The following ARMCX4 variants were observed in gnomAD, a reference collection of about 807,000 sequenced individuals.
ARMCX4 encodes armadillo repeat-containing X-linked protein 4.
A neutral mutation model predicts 34.7 loss-of-function variants in ARMCX4; 3 were observed. That is an observed-to-expected ratio of 0.09 (90% CI 0.04 to 0.22). The LOEUF (loss-of-function observed/expected upper bound fraction) is 0.22. Among genes scored for constraint, ARMCX4 ranks in the 10% least tolerant of loss-of-function variants. The probability of loss-of-function intolerance (pLI) is 1.00; values close to 1 mark genes in which losing one functional copy is unlikely to be tolerated. For missense variants in ARMCX4, 1,448 were observed against 1,720.8 expected (o/e 0.84, Z 2.81); for synonymous variants, 513 against 632.8 (o/e 0.81, Z 2.84).
At chrX:101,425,585 G>A (rs1433280313) in intron 2 of ARMCX4, among the ~76,000 whole-genome samples, 2 of 109,656 alleles carry the variant, frequency 1.8e-5, no homozygotes, top group East Asian at 5.8e-4. Context: ...AGTAGAAACG[G>A]GGTTTCACCA....
At chrX:101,522,292 G>A (rs1276656548) in intron 11 of ARMCX4, among the ~76,000 whole-genome samples, 1 of 110,974 alleles carries the variant, frequency 9.0e-6, no homozygotes, top group Non-Finnish European at 1.9e-5. Context: ...TAATTTTTCT[G>A]GTATTAGTAA....
intron 2 of ARMCX4, among the ~76,000 whole-genome samples, chrX:101,436,258 G>T (rs1488475787): frequency 1.8e-5 from 2 of 110,900 alleles, no homozygotes; most frequent in Non-Finnish European, 3.8e-5. Context: ...TCAGGATATT[G>T]ATTCTTCCTA....
At chrX:101,429,365 C>G (rs1001769388) in intron 2 of ARMCX4, among the ~76,000 whole-genome samples, 1 of 81,239 alleles carries the variant, frequency 1.2e-5, no homozygotes, top group African/African-American at 5.0e-5. Context: ...GGTGGAGTTT[C>G]GCTCTTGTCG....
Position 101,495,754 on chromosome X carries a change from T to G in ARMCX4, c.*292T>G, listed in dbSNP as rs1934162918. On this transcript the variant is annotated 3_prime_UTR_variant, in exon 6 of 6. Coordinates refer to ENST00000423738, the MANE Select transcript of ARMCX4 (RefSeq NM_001256155.3). ...TTGTGTGGACTTATGTTTATACATT[T>G]AAGACTATTTTTATGTCATCAATAA... 1 of 204,988 alleles carries G rather than the reference T, an allele frequency of 4.9e-6. No homozygotes were observed. Among genetic ancestry groups the G allele is most frequent in the African/African-American group, 2.9e-5 (1 of 34,102 alleles). The allele number at this position is 204,988 out of a possible 1,213,427, so 16.9% of individuals were successfully genotyped here. A position where few individuals can be genotyped will look rare whatever the true frequency, so the allele number is the denominator to read the frequency against.
rs1556011519 is a variant in ARMCX4, at chrX:101,495,171, A to G, written c.6582A>G (p.Pro2194=). ...LGMLLNFSKN[P]SMTKDLLIAN... is the part of the protein sequence containing the mutation. ...TGCTTTTGAATTTCTCTAAAAATCC[A>G]TCTATGACAAAAGACTTGCTCATTG... is the stretch of plus-strand genomic sequence containing the variant. Residue 2194 remains proline, a synonymous_variant, in exon 6 of 6, where the codon CCA becomes CCG. Transcript: ENST00000423738. 1.7e-6 allele frequency: 2 copies of G among 1,154,980 alleles called. No homozygotes were observed. Among genetic ancestry groups the G allele is most frequent in the Non-Finnish European group, 2.3e-6 (2 of 871,693 alleles).
At chrX:101,454,398 C>T (rs2147592875) in intron 4 of ARMCX4, among the ~76,000 whole-genome samples, 1 of 108,430 alleles carries the variant, frequency 9.2e-6, no homozygotes, top group East Asian at 2.9e-4. Context: ...GCCTCAGCCT[C>T]CCGAGTAGCT....
intron 4 of ARMCX4, among the ~76,000 whole-genome samples, chrX:101,476,462 C>G (rs1174947724): frequency 2.7e-5 from 3 of 110,648 alleles, no homozygotes; most frequent in African/African-American, 9.8e-5. Context: ...TCAATGATGC[C>G]ATAGAAGCTG....
chrX:101,501,777 C>T (rs1357647086), intron 7 of ARMCX4, among the ~76,000 whole-genome samples: 1 of 112,216 alleles, frequency 8.9e-6, no homozygotes, highest in African/African-American at 3.2e-5. Flanking sequence ...ACTGTCATGG[C>T]ACTGGTTGGA....
Position 101,513,613 on chromosome X carries a change from A to C in ARMCX4, c.*1780+2558A>C, listed in dbSNP as rs890027293. Among the ~76,000 whole-genome samples the C allele has an allele frequency of 1.1e-4, 12 of 111,923 alleles. No individual in the cohort carries two copies. In the Admixed American group the frequency reaches 1.1e-3, roughly 11 times the overall value. ...AACAAACATAATGAAATGAGGAAAA[A>C]ATACACATGACAATTACAGTCCTCA... On this transcript the variant is annotated intron_variant and NMD_transcript_variant, in intron 11 of 12. Coordinates refer to the ARMCX4 transcript ENST00000354842.
At chrX:101,520,624 G>A (rs1459671825) in intron 11 of ARMCX4, among the ~76,000 whole-genome samples, 3 of 111,303 alleles carry the variant, frequency 2.7e-5, no homozygotes, top group East Asian at 2.8e-4. Context: ...CTTCTTGGTC[G>A]TGATGTATAA....
At chrX:101,500,428 G>T (rs1934271677), downstream of ARMCX4, among the ~76,000 whole-genome samples, 1 of 111,560 alleles carries the variant, frequency 9.0e-6, no homozygotes, top group Admixed American at 9.5e-5. Context: ...GAAAACATAT[G>T]GCATCTGTGG....
At chrX:101,478,905 A>G (rs1933313199) in intron 4 of ARMCX4, among the ~76,000 whole-genome samples, 2 of 111,449 alleles carry the variant, frequency 1.8e-5, no homozygotes, top group South Asian at 3.7e-4. Context: ...AGATAATTAC[A>G]TTGACGGGAA....
intron 2 of ARMCX4, among the ~76,000 whole-genome samples, chrX:101,432,496 A>C (rs1800274945): frequency 9.1e-6 from 1 of 110,056 alleles, no homozygotes; most frequent in African/African-American, 3.3e-5. Flanking sequence ...CCCCGTCTCT[A>C]CTGGAAATAC....
intron 4 of ARMCX4, among the ~76,000 whole-genome samples, chrX:101,468,528 G>A (rs1416215293): frequency 2.7e-5 from 3 of 110,339 alleles, no homozygotes; most frequent in African/African-American, 6.6e-5. Context: ...AGTCTCAAAC[G>A]ACCCACCCGC....
chrX:101,508,112 A>G (rs896570040), intron 8 of ARMCX4, among the ~76,000 whole-genome samples: 5 of 112,526 alleles, frequency 4.4e-5, no homozygotes, highest in Non-Finnish European at 9.4e-5. Flanking sequence ...CATATAGCCC[A>G]GGTAGGTAGT....
chrX:101,466,669 A>G (rs1452777684), intron 4 of ARMCX4, among the ~76,000 whole-genome samples: 3 of 112,236 alleles, frequency 2.7e-5, no homozygotes, highest in African/African-American at 9.7e-5. Context: ...AGCAAAAGTT[A>G]TAGGACAGAA....
intron 4 of ARMCX4, among the ~76,000 whole-genome samples, chrX:101,455,173 T>C (rs1349112406): frequency 4.5e-5 from 5 of 111,883 alleles, no homozygotes; most frequent in Admixed American, 1.9e-4. Context: ...GGTAGAAGGA[T>C]GGCAGGTGCA....
At chrX:101,433,808 G>A (rs1930482394) in intron 2 of ARMCX4, among the ~76,000 whole-genome samples, 1 of 112,000 alleles carries the variant, frequency 8.9e-6, no homozygotes, top group Admixed American at 9.5e-5. Context: ...AAACCTGCTT[G>A]CTTTATGCAC....
chrX:101,532,346 G>A (rs1238844582), intron 12 of ARMCX4: 2 of 111,380 alleles, frequency 1.8e-5, no homozygotes, highest in Non-Finnish European at 3.8e-5. Flanking sequence ...AGGTATATCA[G>A]GGATGAATGC....
Sources: allele counts gnomAD v4.1 joint callset (sites outside exome capture counted in the v4.1 genomes callset), GRCh38; gene constraint gnomAD v4.1.1; transcripts MANE v1.5; gene names NCBI Gene and HGNC (gene_info 2026-07-23, HGNC 2026-07-21).